The following CNTN5 variants were observed in gnomAD, a reference collection of about 807,000 sequenced individuals.
The protein encoded by CNTN5 is contactin-5.
In CNTN5, 77 loss-of-function variants were observed where a neutral mutation model predicts 129.1. The observed-to-expected ratio is 0.60, with a 90% CI of 0.50 to 0.72. CNTN5 has a LOEUF of 0.72. CNTN5 is among the 30% of genes least tolerant of loss of function. The pLI is 0.00. For missense variants in CNTN5, 1,478 were observed against 1,328.8 expected (o/e 1.11, Z -1.75); for synonymous variants, 509 against 465.6 (o/e 1.09, Z -1.20).
chr11:100,308,320 T>C (rs1951401439), intron 20 of CNTN5, 39 bp from the exon 21 acceptor site: 1 of 1,586,828 alleles, frequency 6.3e-7, no homozygotes, highest in Non-Finnish European at 8.6e-7. Flanking sequence ...TTGATGGACA[T>C]AAACTTTTTA....
At chr11:99,943,275 T>C (rs1224739483) in intron 7 of CNTN5, among the ~76,000 whole-genome samples, 1 of 152,196 alleles carries the variant, frequency 6.6e-6, no homozygotes, top group Non-Finnish European at 1.5e-5. Context: ...TTTGCCCTTG[T>C]CTGATAACCA....
At chr11:99,534,571 A>C (rs1233764504) in intron 2 of CNTN5, among the ~76,000 whole-genome samples, 1 of 152,238 alleles carries the variant, frequency 6.6e-6, no homozygotes, top group Admixed American at 6.5e-5. Flanking sequence ...ATGGTAGTTT[A>C]CACACACTCA....
chr11:99,619,373 TTC>T (rs1950859965), intron 3 of CNTN5, among the ~76,000 whole-genome samples: 1 of 152,078 alleles, frequency 6.6e-6, no homozygotes. Flanking sequence ...TAATATATAT[TTC>T]TGTCTGGTTT....
chr11:99,727,823 T>A (rs1943403259), intron 3 of CNTN5, among the ~76,000 whole-genome samples: 1 of 152,166 alleles, frequency 6.6e-6, no homozygotes, highest in African/African-American at 2.4e-5. Flanking sequence ...CCATTTTAAA[T>A]ATTAGCTCGT....
At chr11:99,667,913 C>T (rs1952863035) in intron 3 of CNTN5, among the ~76,000 whole-genome samples, 1 of 151,642 alleles carries the variant, frequency 6.6e-6, no homozygotes. Context: ...ATGTAACAAA[C>T]CTGCACATTC....
intron 3 of CNTN5, among the ~76,000 whole-genome samples, chr11:99,630,953 A>G (rs1951325660): frequency 6.6e-6 from 1 of 152,168 alleles, no homozygotes; most frequent in Non-Finnish European, 1.5e-5. Context: ...CTCAGCATCA[A>G]TGCATCTATT....
intron 1 of CNTN5, among the ~76,000 whole-genome samples, chr11:99,242,231 G>A (rs973711962): frequency 6.6e-6 from 1 of 152,048 alleles, no homozygotes; most frequent in African/African-American, 2.4e-5. Flanking sequence ...GAAAAACATT[G>A]GGCTCATTAA....
At chr11:100,267,276 C>CAT (rs1950323613) in intron 17 of CNTN5, among the ~76,000 whole-genome samples, 1 of 134,934 alleles carries the variant, frequency 7.4e-6, no homozygotes, top group Non-Finnish European at 1.6e-5. Flanking sequence ...CACACACACA[C>CAT]ACACAGAGAG....
intron 2 of CNTN5, among the ~76,000 whole-genome samples, chr11:99,542,672 A>G (rs1008273923): frequency 6.6e-5 from 10 of 152,170 alleles, no homozygotes; most frequent in African/African-American, 2.4e-4. Context: ...GGAGGGCAAA[A>G]TCACCTCTGG....
chr11:99,542,755 T>C (rs1041461167), intron 2 of CNTN5, among the ~76,000 whole-genome samples: 18 of 152,166 alleles, frequency 1.2e-4, no homozygotes, highest in Non-Finnish European at 5.9e-5. Context: ...GCATCTCTCA[T>C]TAGGCAGAAA....
intron 13 of CNTN5, among the ~76,000 whole-genome samples, chr11:100,103,509 C>T (rs1457858292): frequency 1.3e-5 from 2 of 152,076 alleles, no homozygotes; most frequent in Non-Finnish European, 2.9e-5. Context: ...TTTATAGCTC[C>T]CTAACCTTAC....
chr11:99,733,584 T>C (rs1391886592), intron 3 of CNTN5, among the ~76,000 whole-genome samples: 2 of 152,094 alleles, frequency 1.3e-5, no homozygotes, highest in Non-Finnish European at 2.9e-5. Context: ...ATATGGGTAT[T>C]ATCCCCAAAA....
intron 1 of CNTN5, among the ~76,000 whole-genome samples, chr11:99,201,387 C>CTTCCTTCCTTCCTTCT: frequency 6.7e-6 from 1 of 149,098 alleles, no homozygotes; most frequent in Non-Finnish European, 1.5e-5. Context: ...TCCTTCTTTC[C>CTTCCTTCCTTCCTTCT]TTCCTTCCTT....
At chr11:99,413,620 A>AAAAAC (rs1039341628) in intron 2 of CNTN5, among the ~76,000 whole-genome samples, 39 of 29,038 alleles carry the variant, frequency 1.3e-3, no homozygotes, top group African/African-American at 8.2e-3. Flanking sequence ...CTCCATCTCA[A>AAAAAC]AAAACAAAAC....
chr11:100,205,362 T>C (rs1948892010), intron 15 of CNTN5, among the ~76,000 whole-genome samples: 1 of 152,086 alleles, frequency 6.6e-6, no homozygotes, highest in Non-Finnish European at 1.5e-5. Flanking sequence ...AAAAATCAGC[T>C]TTAGGAGTCT....
At chr11:99,216,439 T>A (rs925863803) in intron 1 of CNTN5, among the ~76,000 whole-genome samples, 2 of 152,166 alleles carry the variant, frequency 1.3e-5, no homozygotes, top group African/African-American at 4.8e-5. Context: ...TTGACTATTG[T>A]GAATAGTGCT....
intron 7 of CNTN5, among the ~76,000 whole-genome samples, chr11:99,931,020 G>GA (rs1235026380): frequency 6.6e-6 from 1 of 152,044 alleles, no homozygotes; most frequent in East Asian, 1.9e-4. Context: ...AAATTAATCA[G>GA]AAAAAGACTG....
chr11:99,986,475 G>T (rs1301878414), intron 8 of CNTN5, among the ~76,000 whole-genome samples: 1 of 152,024 alleles, frequency 6.6e-6, no homozygotes, highest in East Asian at 1.9e-4. Flanking sequence ...AACTGTTCTT[G>T]ACAGTTTTGT....
intron 4 of CNTN5, among the ~76,000 whole-genome samples, chr11:99,831,400 G>A (rs138398191): frequency 1.7e-3 from 258 of 152,220 alleles, no homozygotes; most frequent in Non-Finnish European, 3.2e-3. Flanking sequence ...AGCTCAATTC[G>A]TTCAACTTTC....
Sources: gnomAD v4.1 joint callset for allele counts (sites outside exome capture counted in the v4.1 genomes callset) on GRCh38, gnomAD v4.1.1 for gene constraint, MANE v1.5 for transcripts, NCBI Gene and HGNC (gene_info 2026-07-23, HGNC 2026-07-21) for gene names.